MMP16: variants seen among roughly 807,000 people sequenced by gnomAD.
MMP16 encodes the protein matrix metallopeptidase 16.
In MMP16, 12 loss-of-function variants were observed where a neutral mutation model predicts 67.8. The observed-to-expected ratio is 0.18, with a 90% CI of 0.11 to 0.29. The LOEUF (loss-of-function observed/expected upper bound fraction) is 0.29, where lower values mean the gene tolerates loss of function less well. Among genes scored for constraint, MMP16 ranks in the 10% least tolerant of loss-of-function variants. The pLI, the probability that MMP16 is intolerant of heterozygous loss-of-function variation, is 1.00. For missense variants in MMP16, 475 were observed against 765.7 expected, an observed-to-expected ratio of 0.62 and a Z score of 4.48; for synonymous variants, 249 against 255.9, an observed-to-expected ratio of 0.97 and a Z score of 0.26.
intron 1 of MMP16, among the ~76,000 whole-genome samples, chr8:88,211,775 A>C (rs533261442): frequency 3.7e-4 from 57 of 152,250 alleles, no homozygotes; most frequent in Middle Eastern, 6.8e-3. Flanking sequence ...TAAGTATGGA[A>C]AGATTAAGTA....
chr8:88,245,695 C>A (rs1810103379), intron 1 of MMP16, among the ~76,000 whole-genome samples: 1 of 152,090 alleles, frequency 6.6e-6, no homozygotes, highest in Non-Finnish European at 1.5e-5. Context: ...GCCCAAGTGG[C>A]TGCAAATTTC....
At chr8:88,195,424 A>T (rs1345969387) in intron 2 of MMP16, among the ~76,000 whole-genome samples, 1 of 152,190 alleles carries the variant, frequency 6.6e-6, no homozygotes, top group Non-Finnish European at 1.5e-5. Context: ...GAATTGCGTC[A>T]TATTTTCCAA....
chr8:88,221,875 A>T (rs1311049622), intron 1 of MMP16, among the ~76,000 whole-genome samples: 1 of 152,104 alleles, frequency 6.6e-6, no homozygotes, highest in Non-Finnish European at 1.5e-5. Flanking sequence ...AAAGCCTATA[A>T]TCATATACTG....
chr8:88,165,682 C>T (rs1808700466), intron 4 of MMP16, among the ~76,000 whole-genome samples: 2 of 152,042 alleles, frequency 1.3e-5, no homozygotes, highest in Admixed American at 1.3e-4. Context: ...CCCCAACTAC[C>T]ATGTTCCAGA....
chr8:88,095,957 T>G (rs1297744852), intron 6 of MMP16, among the ~76,000 whole-genome samples: 1 of 151,928 alleles, frequency 6.6e-6, no homozygotes, highest in African/African-American at 2.4e-5. Flanking sequence ...AAAACTATAT[T>G]TTACTATTTA....
intron 1 of MMP16, among the ~76,000 whole-genome samples, chr8:88,252,822 A>C (rs1263295093): frequency 6.6e-6 from 1 of 152,090 alleles, no homozygotes; most frequent in East Asian, 1.9e-4. Context: ...CATTAGCCAG[A>C]TCAAAGCACT....
At chr8:88,249,013 A>G (rs764142069) in intron 1 of MMP16, among the ~76,000 whole-genome samples, 2 of 152,082 alleles carry the variant, frequency 1.3e-5, no homozygotes, top group South Asian at 4.1e-4. Context: ...CCAATCACCA[A>G]CGCAACTCTT....
chr8:88,286,095 T>C (rs774462340), intron 1 of MMP16, among the ~76,000 whole-genome samples: 13 of 152,210 alleles, frequency 8.5e-5, no homozygotes, highest in Non-Finnish European at 1.6e-4. Context: ...TTTTTAGTTC[T>C]CAACAGCATG....
chr8:88,043,523 C>T (rs28988872), intron 9 of MMP16, among the ~76,000 whole-genome samples: 4 of 152,062 alleles, frequency 2.6e-5, no homozygotes, highest in East Asian at 1.9e-4. Context: ...CCTCGGAGAT[C>T]GCCTATCTTT....
chr8:88,314,127 C>T (rs1285563978), intron 1 of MMP16, among the ~76,000 whole-genome samples: 1 of 152,090 alleles, frequency 6.6e-6, no homozygotes, highest in Non-Finnish European at 1.5e-5. Context: ...CTGTGAATTA[C>T]TTGTATTTCT....
At chr8:88,126,855 C>G (rs1011469732) in intron 4 of MMP16, among the ~76,000 whole-genome samples, 6 of 151,816 alleles carry the variant, frequency 4.0e-5, no homozygotes, top group African/African-American at 1.4e-4. Flanking sequence ...GGTTAAACAC[C>G]ATCAAGTATA....
At chr8:88,099,242 A>T (rs1426295844) in intron 6 of MMP16, among the ~76,000 whole-genome samples, 1 of 151,736 alleles carries the variant, frequency 6.6e-6, no homozygotes, top group Non-Finnish European at 1.5e-5. Context: ...TAAAATTTTT[A>T]CTAAAATTTT....
At chr8:88,046,358 GTTA>G (rs1235263483) in intron 9 of MMP16, among the ~76,000 whole-genome samples, 2 of 152,002 alleles carry the variant, frequency 1.3e-5, no homozygotes, top group Non-Finnish European at 2.9e-5. Flanking sequence ...ATGTATTTTT[GTTA>G]TTATTATCTT....
At chr8:88,094,699 T>C (rs1461486191) in intron 6 of MMP16, among the ~76,000 whole-genome samples, 2 of 151,824 alleles carry the variant, frequency 1.3e-5, no homozygotes, top group African/African-American at 2.4e-5. Flanking sequence ...AAAGAAGTTA[T>C]GTCTGTTTTC....
rs980082104 is a variant in MMP16 at position 88,179,212 on chromosome 8, G to A, written c.404+7264C>T. On this transcript the variant is annotated intron_variant, in intron 3 of 9. Transcript: ENST00000286614. The stretch of plus-strand genomic sequence containing the variant: ...AAACTCTGGAAAAAAGCCAGAAGGG[G>A]GTAAAATACCTTATCTGTAGATGAA... 4.6e-5 allele frequency among the ~76,000 whole-genome samples: 7 copies of A among 151,850 alleles called. No homozygotes were observed. The South Asian group carries it at 1.5e-3, about 32-fold the overall frequency.
intron 4 of MMP16, among the ~76,000 whole-genome samples, chr8:88,165,385 A>C (rs141836940): frequency 1.8e-3 from 281 of 152,060 alleles, no homozygotes; most frequent in Admixed American, 3.1e-3. Context: ...TCAAAACTAC[A>C]GATTTACAAT....
At chr8:88,237,870 T>C (rs1449513363) in intron 1 of MMP16, among the ~76,000 whole-genome samples, 1 of 152,144 alleles carries the variant, frequency 6.6e-6, no homozygotes, top group African/African-American at 2.4e-5. Flanking sequence ...TGGAAATGAT[T>C]TGTGTGCTTA....
chr8:88,071,283 C>T (rs945911879), intron 7 of MMP16, among the ~76,000 whole-genome samples: 1 of 151,918 alleles, frequency 6.6e-6, no homozygotes, highest in Non-Finnish European at 1.5e-5. Context: ...TTCATTTATA[C>T]ATATAGTTGA....
At chr8:88,268,745 C>T (rs1370723293) in intron 1 of MMP16, among the ~76,000 whole-genome samples, 1 of 152,198 alleles carries the variant, frequency 6.6e-6, no homozygotes, top group Non-Finnish European at 1.5e-5. Flanking sequence ...GACATCTATA[C>T]GGATGCACTG....
Sources: gnomAD v4.1 joint callset for allele counts (sites outside exome capture counted in the v4.1 genomes callset) on GRCh38, gnomAD v4.1.1 for gene constraint, MANE v1.5 for transcripts, NCBI Gene and HGNC (gene_info 2026-07-23, HGNC 2026-07-21) for gene names.